Variants in CC2D1A observed in about 807,000 individuals in gnomAD.
The protein encoded by CC2D1A is coiled-coil and C2 domain containing 1A, also known as coiled-coil and C2 domain-containing protein 1A.
A neutral mutation model predicts 123.8 loss-of-function variants in CC2D1A; 68 were observed. The observed-to-expected ratio is 0.55, with a 90% CI of 0.45 to 0.67. The LOEUF (loss-of-function observed/expected upper bound fraction) is 0.67. Among genes scored for constraint, CC2D1A ranks in the 30% least tolerant of loss-of-function variants. The pLI is 0.00. For synonymous variants in CC2D1A, 477 were observed against 528.0 expected (o/e 0.90, Z 1.32); for missense variants, 1,185 against 1,290.3 (o/e 0.92, Z 1.25).
intron 6 of CC2D1A, among the ~76,000 whole-genome samples, chr19:13,915,018 A>C (rs1971155046): frequency 6.6e-6 from 1 of 152,234 alleles, no homozygotes. Flanking sequence ...GAAAGCAAAC[A>C]CTGGGTCACT....
At chr19:13,917,279 G>T (rs550104899) in intron 6 of CC2D1A, among the ~76,000 whole-genome samples, 1 of 151,988 alleles carries the variant, frequency 6.6e-6, no homozygotes, top group African/African-American at 2.4e-5. Context: ...AGACTAGCCT[G>T]GACAACATAG....
Position 13,916,119 on chromosome 19 carries a change from T to C in CC2D1A, c.749-1951T>C, listed in dbSNP as rs545109786. ...TAAAAATACAAAAATTAGCTGGGCGTGGTGGTGCATGCTGGTAGTCCCAGC... is the reference window on the plus strand; with the variant it reads ...TAAAAATACAAAAATTAGCTGGGCGCGGTGGTGCATGCTGGTAGTCCCAGC... On this transcript the variant is annotated intron_variant, in intron 6 of 28. Coordinates refer to ENST00000318003, the MANE Select transcript of CC2D1A (RefSeq NM_017721.5). Among the ~76,000 whole-genome samples the C allele has an allele frequency of 2.0e-5, 3 of 152,190 alleles. No homozygotes were observed. In the East Asian group the frequency reaches 5.8e-4, roughly 29 times the overall value.
rs1971306922 is a variant in CC2D1A, at chr19:13,918,981, C to A, written c.1088C>A (p.Ala363Glu). 11 of 1,609,274 alleles carry A rather than the reference C, an allele frequency of 6.8e-6. No homozygotes were observed. Among genetic ancestry groups the A allele is most frequent in the African/African-American group, 1.3e-5 (1 of 74,800 alleles). ...CGGATGGAGCGGTACCAGGTGGCCGCAGCCCAGGCCAAGAGCAAGGGGGAC... is the reference window on the plus strand; with the variant it reads ...CGGATGGAGCGGTACCAGGTGGCCGAAGCCCAGGCCAAGAGCAAGGGGGAC... ...EQRMERYQVAAAQAKSKGDQR... is the reference protein window; with the variant it reads ...EQRMERYQVAEAQAKSKGDQR... Residue 363 changes from alanine to glutamate, a missense_variant, in exon 10 of 29, where the codon GCA (alanine) becomes GAA (glutamate). Coordinates refer to ENST00000318003, the MANE Select transcript of CC2D1A (RefSeq NM_017721.5).
intron 22 of CC2D1A, 57 bp from the exon 23 acceptor site, chr19:13,927,836 C>T: frequency 6.3e-7 from 1 of 1,584,130 alleles, no homozygotes; most frequent in Non-Finnish European, 8.6e-7. Context: ...TGTCCTGGCC[C>T]TGGGCCTCTA....
intron 6 of CC2D1A, among the ~76,000 whole-genome samples, chr19:13,916,355 C>T (rs765220194): frequency 8.6e-5 from 13 of 151,954 alleles, no homozygotes; most frequent in East Asian, 3.9e-4. Flanking sequence ...GCTTGAACCC[C>T]GGAGTTCGAG....
At chr19:13,924,034 G>A (rs921433245) in intron 17 of CC2D1A, among the ~76,000 whole-genome samples, 10 of 152,192 alleles carry the variant, frequency 6.6e-5, no homozygotes, top group African/African-American at 2.4e-4. Flanking sequence ...GATCTAGAGA[G>A]TGCAAAGGTG....
At position 13,912,543 on chromosome 19, in the gene CC2D1A, G is replaced by A. The variant is rs1419131873; in HGVS notation, c.328G>A (p.Val110Ile). 3 of 1,613,998 alleles carry A rather than the reference G, an allele frequency of 1.9e-6. No homozygotes were observed. Among genetic ancestry groups the A allele is most frequent in the Non-Finnish European group, 1.7e-6 (2 of 1,180,032 alleles). The stretch of plus-strand genomic sequence containing the variant: ...GTCCCTGCAGGCGGAGCTAAATGAG[G>A]TCCTTGGAGAGGAGCAGAAGGCTTC... ...DDDLLAELNE[V>I]LGEEQKASET... The change falls in exon 4 of 29, where the codon GTC (valine) becomes ATC (isoleucine). Residue 110 changes from valine to isoleucine, a missense_variant. Val to Ile is a conservative substitution (Grantham distance 29). Coordinates refer to ENST00000318003, the MANE Select transcript of CC2D1A (RefSeq NM_017721.5).
At chr19:13,912,286 C>T (rs777587947) in intron 2 of CC2D1A, 37 bp from the exon 3 acceptor site, 48 of 1,548,770 alleles carry the variant, frequency 3.1e-5, no homozygotes, top group African/African-American at 5.5e-5. Context: ...TCTTGGTGTA[C>T]GACCCTGGTC....
intron 24 of CC2D1A, 131 bp downstream of exon 24, chr19:13,928,319 T>C: frequency 5.3e-6 from 4 of 748,086 alleles, no homozygotes; most frequent in Non-Finnish European, 6.6e-6. Context: ...TGGCACCCCT[T>C]TTCCCAGAGG....
Position 13,927,256 on chromosome 19 carries a change from G to A in CC2D1A, c.2307G>A (p.Glu769=), listed in dbSNP as rs1224024612. ...DALEIACEVR[E]ILEVLDGRRP... is the part of the protein sequence containing the mutation. ...TGGAGATAGCATGTGAGGTCCGGGA[G>A]ATCCTTGAGGTGAGAGGTGGACATT... The change falls in exon 22 of 29, where the codon GAG becomes GAA. Residue 769 remains glutamate (E), a synonymous_variant. Transcript: ENST00000318003. 6.2e-7 allele frequency: 1 copy of A among 1,613,802 alleles called. No homozygotes were observed. The highest frequency in any genetic ancestry group is 1.3e-5 in the African/African-American group (1 of 75,024).
rs552690870 is a variant in CC2D1A at position 13,913,363 on chromosome 19, C to G, written c.514-41C>G. ...GCCAACCCCGATGCCCTGCACCAAG[C>G]TCTTGGCTTCTCCCAAACCAATACT... On this transcript the variant is annotated intron_variant, in intron 5 of 28. Coordinates refer to ENST00000318003, the MANE Select transcript of CC2D1A (RefSeq NM_017721.5). 3.0e-5 allele frequency: 48 copies of G among 1,608,406 alleles called. No individual in the cohort carries two copies. In the Admixed American group the frequency reaches 6.9e-4, roughly 23 times the overall value.
chr19:13,919,195 G>A lies in CC2D1A; in HGVS notation c.1215G>A (p.Val405=), dbSNP rs1971318432. The part of the protein sequence containing the change: ...GRAVDVAELP[V]PPGFPPIQGL... ...CCGTGGATGTCGCTGAATTGCCCGT[G>A]CCCCCAGGTAGGCCTTGCCCCTGTA... Residue 405 remains valine (V), a synonymous_variant, in exon 11 of 29, where the codon GTG becomes GTA. Transcript: ENST00000318003. The A allele has an allele frequency of 6.2e-7, 1 of 1,612,122 alleles. No individual in the cohort carries two copies. The highest frequency in any genetic ancestry group is 1.1e-5 in the South Asian group (1 of 90,964).
chr19:13,913,158 C>A lies in CC2D1A; in HGVS notation c.379-10C>A. ...GTCACCACCCACACTGTGCCCCTGC[C>A]CTCCCACAGCCGAAGCCTGAGGCCC... On this transcript the variant is annotated splice_polypyrimidine_tract_variant and intron_variant, in intron 4 of 28. Transcript: ENST00000318003. The A allele has an allele frequency of 6.3e-7, 1 of 1,598,450 alleles. No homozygotes were observed. The highest frequency in any genetic ancestry group is 8.5e-7 in the Non-Finnish European group (1 of 1,173,820).
In CC2D1A at chr19:13,923,831, C is replaced by T. The variant is rs1415910054; in HGVS notation, c.1940+20C>T. ...CATCAAGTAAGGCTCCTGATCTACG[C>T]CCCACCACGTGGCCCCAGTGGCCCT... is the stretch of plus-strand genomic sequence containing the variant. On this transcript the variant is annotated intron_variant, in intron 17 of 28. Transcript: ENST00000318003. The surrounding 1 kb of genome is among the most constrained non-coding windows in gnomAD (Gnocchi z 5.3). 2 of 1,577,822 alleles carry T rather than the reference C, an allele frequency of 1.3e-6. No individual in the cohort carries two copies.
intron 17 of CC2D1A, among the ~76,000 whole-genome samples, chr19:13,926,063 T>C (rs1286477586): frequency 2.7e-4 from 33 of 123,520 alleles, no homozygotes; most frequent in African/African-American, 1.1e-3. Context: ...TATATGTATA[T>C]ATACACACAC....
rs1353285556 is a variant in CC2D1A at position 13,906,377 on chromosome 19, C to T, written c.-65C>T. 2.2e-6 allele frequency: 3 copies of T among 1,356,354 alleles called. No homozygotes were observed. 84.0% of individuals were successfully genotyped at this position (1,356,354 alleles called of 1,614,324 possible). A position where few individuals can be genotyped will look rare whatever the true frequency, so the allele number is the denominator to read the frequency against. ...GAAGGGCGAGTGCGCGGCGACAGAGCCCGGGGAAGGAGGCAGGGCAAGGCC... is the reference window on the plus strand; with the variant it reads ...GAAGGGCGAGTGCGCGGCGACAGAGTCCGGGGAAGGAGGCAGGGCAAGGCC... On this transcript the variant is annotated 5_prime_UTR_variant, in exon 1 of 29. Transcript: ENST00000318003. The surrounding 1 kb of genome is among the most constrained non-coding windows in gnomAD (Gnocchi z 4.1).
chr19:13,912,625 C>A (rs368740988), intron 4 of CC2D1A, 32 bp downstream of exon 4: 6 of 1,608,280 alleles, frequency 3.7e-6, no homozygotes, highest in Non-Finnish European at 5.1e-6. Context: ...TCCCTTGAAC[C>A]ACAACCCAAC....
In CC2D1A at chr19:13,906,487, G is replaced by A. The variant is rs1402087053; in HGVS notation, c.46G>A (p.Ala16Thr). ...GPPGPPGRGA[A>T]AARQLGLLVD... is the part of the protein sequence containing the mutation. Reference sequence around the variant, plus strand: ...CCCGGGACCCCCGGGCAGAGGCGCCGCGGCCGCCCGCCAGGTGAGTTTGCG... The same window carrying A: ...CCCGGGACCCCCGGGCAGAGGCGCCACGGCCGCCCGCCAGGTGAGTTTGCG... Residue 16 changes from alanine (A) to threonine (T), a missense_variant, in exon 1 of 29, where the codon GCG becomes ACG. Transcript: ENST00000318003. The surrounding 1 kb of genome is among the most constrained non-coding windows in gnomAD (Gnocchi z 4.1). 6.0e-6 allele frequency: 9 copies of A among 1,499,242 alleles called. No individual in the cohort carries two copies. In the African/African-American group the frequency reaches 8.6e-5, roughly 14 times the overall value. 92.9% of individuals were successfully genotyped at this position (1,499,242 alleles called of 1,614,324 possible).
At position 13,922,501 on chromosome 19, in the gene CC2D1A, C is replaced by T. The variant is rs560090136; in HGVS notation, c.1642-832C>T. 3.3e-5 allele frequency among the ~76,000 whole-genome samples: 5 copies of T among 152,308 alleles called. 1 individual carries two copies. In the South Asian group the frequency reaches 8.3e-4, roughly 25 times the overall value. On this transcript the variant is annotated intron_variant, in intron 14 of 28. Transcript: ENST00000318003. ...AGACATCACATCTCCAGGAGGCCTA[C>T]CCTGAGCTGTCTAAAATCCCTCCCT...
Sources: gnomAD v4.1 joint callset for allele counts (sites outside exome capture counted in the v4.1 genomes callset) on GRCh38, gnomAD v4.1.1 for gene constraint, Gnocchi (gnomAD v3.1) non-coding constraint, MANE v1.5 for transcripts, NCBI Gene and HGNC (gene_info 2026-07-23, HGNC 2026-07-21) for gene names.